PRDM5: variants seen among roughly 807,000 people sequenced by gnomAD.
PRDM5 encodes the protein PR domain zinc finger protein 5.
A neutral mutation model predicts 81.2 loss-of-function variants in PRDM5; 56 were observed. That is an observed-to-expected ratio of 0.69 (90% confidence interval 0.56 to 0.86). The LOEUF (loss-of-function observed/expected upper bound fraction) is 0.86, where lower values mean the gene tolerates loss of function less well. Among genes scored for constraint, PRDM5 ranks in the 40% least tolerant of loss-of-function variants. The pLI is 0.00. For synonymous variants in PRDM5, 267 were observed against 256.4 expected, an observed-to-expected ratio of 1.04 and a Z score of -0.39; for missense variants, 697 against 770.1, an observed-to-expected ratio of 0.91 and a Z score of 1.12.
intron 14 of PRDM5, among the ~76,000 whole-genome samples, chr4:120,723,435 C>A (rs1465247439): frequency 6.6e-6 from 1 of 151,666 alleles, no homozygotes; most frequent in African/African-American, 2.4e-5. Context: ...TGGGAAATTA[C>A]TTCTTTCCCT....
rs1336333302 is a variant in PRDM5 at position 120,692,654 on chromosome 4, A to C, written c.*2457T>G. The stretch of plus-strand genomic sequence containing the variant: ...ACATTATTGAACGTCTCTTAAATTT[A>C]CTTAGCCAATTTCTAAGTCTCAATT... On this transcript the variant is annotated 3_prime_UTR_variant, in exon 16 of 16. Coordinates refer to ENST00000264808, the MANE Select transcript of PRDM5 (RefSeq NM_018699.4). 2 of 152,066 alleles carry C rather than the reference A, an allele frequency of 1.3e-5. No individual in the cohort carries two copies. Among genetic ancestry groups the C allele is most frequent in the Non-Finnish European group, 2.9e-5 (2 of 67,994 alleles). 9.4% of individuals were successfully genotyped at this position (152,066 alleles called of 1,614,324 possible).
chr4:120,858,101 C>A (rs949752196), intron 2 of PRDM5, among the ~76,000 whole-genome samples: 2 of 152,116 alleles, frequency 1.3e-5, no homozygotes, highest in East Asian at 3.8e-4. Flanking sequence ...TGAAAAATTA[C>A]AATACGTTAT....
chr4:120,764,091 A>G (rs985864110), intron 13 of PRDM5, among the ~76,000 whole-genome samples: 2 of 152,188 alleles, frequency 1.3e-5, no homozygotes, highest in African/African-American at 4.8e-5. Flanking sequence ...TTATTTTCCA[A>G]AGGAAAAATG....
chr4:120,710,184 C>A (rs903203123), intron 15 of PRDM5, 125 bp downstream of exon 15: 2 of 790,646 alleles, frequency 2.5e-6, no homozygotes, highest in East Asian at 5.3e-5. Flanking sequence ...CATTAACAGG[C>A]ATAGGCACAT....
intron 14 of PRDM5, among the ~76,000 whole-genome samples, chr4:120,747,219 G>C (rs977971693): frequency 2.0e-5 from 3 of 148,080 alleles, no homozygotes; most frequent in Admixed American, 6.8e-5. Flanking sequence ...TCACTGATAG[G>C]TGGGAATTGA....
At chr4:120,888,255 C>A (rs1156683380) in intron 2 of PRDM5, among the ~76,000 whole-genome samples, 2 of 152,152 alleles carry the variant, frequency 1.3e-5, no homozygotes, top group African/African-American at 2.4e-5. Flanking sequence ...GAAACAGTCT[C>A]CCCAGATATC....
At chr4:120,819,937 A>G (rs924253543) in intron 4 of PRDM5, among the ~76,000 whole-genome samples, 1 of 152,248 alleles carries the variant, frequency 6.6e-6, no homozygotes, top group Non-Finnish European at 1.5e-5. Flanking sequence ...TTCTCAGCCA[A>G]TAACATGCAG....
rs144676570 is a variant in PRDM5, at chr4:120,724,338, G to A, written c.1624-13925C>T. Among the ~76,000 whole-genome samples the A allele has an allele frequency of 3.0e-4, 45 of 152,250 alleles. No homozygotes were observed. The East Asian group carries it at 5.4e-3, about 18-fold the overall frequency. On this transcript the variant is annotated intron_variant, in intron 14 of 15. Transcript: ENST00000264808. ...ATGGATTAGTAAAGAAAATCCTGGC[G>A]GGTGGAGTAGATCAAGTTGAGGTGC...
rs752676701 is a variant in PRDM5, at chr4:120,781,135, C to T, written c.1443+8G>A. Reference sequence around the variant, plus strand: ...ATCTGTTCAAACTAACAGAAGACTTCCACTTACTTTCTTATGACTTCTAAG... The same window carrying T: ...ATCTGTTCAAACTAACAGAAGACTTTCACTTACTTTCTTATGACTTCTAAG... On this transcript the variant is annotated splice_region_variant and intron_variant, in intron 12 of 15. Coordinates refer to ENST00000264808, the MANE Select transcript of PRDM5 (RefSeq NM_018699.4). 3 of 1,610,960 alleles carry T rather than the reference C, an allele frequency of 1.9e-6. No individual in the cohort carries two copies. Among genetic ancestry groups the T allele is most frequent in the Admixed American group, 3.3e-5 (2 of 59,950 alleles).
chr4:120,825,771 G>T (rs1258006696), intron 3 of PRDM5, among the ~76,000 whole-genome samples: 1 of 152,064 alleles, frequency 6.6e-6, no homozygotes, highest in Non-Finnish European at 1.5e-5. Flanking sequence ...GCTCTGCCCT[G>T]GATCTCCTGT....
intron 6 of PRDM5, 53 bp downstream of exon 6, chr4:120,816,779 C>T: frequency 1.3e-6 from 2 of 1,553,794 alleles, no homozygotes; most frequent in African/African-American, 1.4e-5. Flanking sequence ...AGTATGCATG[C>T]AAAAAATGAC....
At chr4:120,882,901 T>C (rs1390860504) in intron 2 of PRDM5, among the ~76,000 whole-genome samples, 3 of 152,224 alleles carry the variant, frequency 2.0e-5, no homozygotes, top group Non-Finnish European at 4.4e-5. Context: ...AACTAAAATG[T>C]AGTCCTACCA....
chr4:120,749,633 A>T (rs750442299), intron 14 of PRDM5, among the ~76,000 whole-genome samples: 1 of 152,180 alleles, frequency 6.6e-6, no homozygotes, highest in Non-Finnish European at 1.5e-5. Flanking sequence ...GTGAGGAGGG[A>T]GACACCTGCC....
intron 8 of PRDM5, among the ~76,000 whole-genome samples, chr4:120,800,663 C>T (rs1752006627): frequency 6.6e-6 from 1 of 152,060 alleles, no homozygotes; most frequent in East Asian, 1.9e-4. Flanking sequence ...TTGATAATAG[C>T]GTATTATATT....
chr4:120,891,953 A>G (rs1764096935), intron 2 of PRDM5, among the ~76,000 whole-genome samples: 1 of 152,200 alleles, frequency 6.6e-6, no homozygotes. Context: ...TTAGCACCAT[A>G]AAGTTCACTC....
At position 120,811,405 on chromosome 4, in the gene PRDM5, A is replaced by G. The variant is rs192586435; in HGVS notation, c.910T>C (p.Cys304Arg). The G allele has an allele frequency of 1.2e-6, 2 of 1,602,974 alleles. No individual in the cohort carries two copies. The highest frequency in any genetic ancestry group is 1.3e-5 in the African/African-American group (1 of 74,848). ...TCCTGTAGGCTTGATGCTGAAGAAC[A>G]CTTTTTATTGCACACTGAACATATA... ...KLICSVCNKK[C>R]SSASSLQEHR... is the part of the protein sequence containing the mutation. Residue 304 changes from cysteine (C) to arginine (R), a missense_variant, in exon 8 of 16, where the codon TGT (cysteine) becomes CGT (arginine). Transcript: ENST00000264808.
At chr4:120,859,186 T>A (rs1760268843) in intron 2 of PRDM5, among the ~76,000 whole-genome samples, 1 of 151,600 alleles carries the variant, frequency 6.6e-6, no homozygotes, top group Admixed American at 6.6e-5. Flanking sequence ...ATGGCACAGC[T>A]GGGAACATAC....
chr4:120,918,714 G>T (rs1337874828), intron 1 of PRDM5, among the ~76,000 whole-genome samples: 1 of 149,248 alleles, frequency 6.7e-6, no homozygotes. Context: ...GAGAATCAAG[G>T]TGTGTGCCTT....
chr4:120,913,502 T>G (rs1283205905), intron 1 of PRDM5, among the ~76,000 whole-genome samples: 1 of 152,252 alleles, frequency 6.6e-6, no homozygotes, highest in Non-Finnish European at 1.5e-5. Flanking sequence ...TAAAATGGAA[T>G]TATTCTTTAT....
Sources: allele counts gnomAD v4.1 joint callset (sites outside exome capture counted in the v4.1 genomes callset), GRCh38; gene constraint gnomAD v4.1.1; transcripts MANE v1.5; gene names NCBI Gene and HGNC (gene_info 2026-07-23, HGNC 2026-07-21).